Variants in EXOSC7 observed in about 807,000 individuals in gnomAD.
EXOSC7 encodes the protein exosome component 7, also known as exosome complex component RRP42.
EXOSC7 carries 25 observed loss-of-function variants against 34.3 expected under a neutral mutation model. The observed-to-expected ratio is 0.73, with a 90% CI of 0.53 to 1.02. The LOEUF (loss-of-function observed/expected upper bound fraction) is 1.02, where lower values mean the gene tolerates loss of function less well. EXOSC7 is among the 50% of genes least tolerant of loss of function. The pLI, the probability that EXOSC7 is intolerant of heterozygous loss-of-function variation, is 0.00. For missense variants in EXOSC7, 370 were observed against 368.5 expected (o/e 1.00, Z -0.03); for synonymous variants, 130 against 143.0 (o/e 0.91, Z 0.65).
chr3:44,989,390 A>C (rs1252430628), intron 2 of EXOSC7, 149 bp downstream of exon 2: 10 of 814,264 alleles, frequency 1.2e-5, no homozygotes, highest in Admixed American at 2.4e-5. Context: ...GGGTCTATCC[A>C]GATCTGAAAA....
chr3:45,011,149 C>G (rs1707199578), intron 7 of EXOSC7, 86 bp from the exon 8 acceptor site: 1 of 686,716 alleles, frequency 1.5e-6, no homozygotes, highest in African/African-American at 1.9e-5. Context: ...GTCAGAAAGA[C>G]TAGCTGGCAG....
At chr3:44,995,365 A>G (rs1024586030) in intron 3 of EXOSC7, among the ~76,000 whole-genome samples, 7 of 152,198 alleles carry the variant, frequency 4.6e-5, no homozygotes, top group African/African-American at 1.7e-4. Context: ...AAGGCTGTAG[A>G]AGAGTTAGTG....
At chr3:44,984,129 T>G (rs1318970515) in intron 1 of EXOSC7, among the ~76,000 whole-genome samples, 1 of 152,180 alleles carries the variant, frequency 6.6e-6, no homozygotes, top group Non-Finnish European at 1.5e-5. Context: ...AAGTACATTT[T>G]CACTACAAAG....
intron 7 of EXOSC7, among the ~76,000 whole-genome samples, chr3:45,008,951 A>AGTT (rs1269938026): frequency 1.3e-5 from 2 of 152,248 alleles, no homozygotes; most frequent in African/African-American, 4.8e-5. Context: ...AGTCCTCAAC[A>AGTT]ACCTGTGAGG....
intron 6 of EXOSC7, among the ~76,000 whole-genome samples, chr3:45,006,404 GTTTTTTTT>G (rs545281987): frequency 4.7e-4 from 29 of 61,706 alleles, no homozygotes; most frequent in East Asian, 6.9e-4. Flanking sequence ...TTGTTTATTT[GTTTTTTTT>G]TTTTTTTTTT....
intron 3 of EXOSC7, among the ~76,000 whole-genome samples, chr3:44,995,903 C>A (rs1232482831): frequency 6.6e-6 from 1 of 152,200 alleles, no homozygotes; most frequent in African/African-American, 2.4e-5. Context: ...ACAGGTTTTG[C>A]TTTGCCTGGA....
At chr3:45,004,032 T>A (rs1308535158) in intron 5 of EXOSC7, 6 of 152,222 alleles carry the variant, frequency 3.9e-5, no homozygotes, top group Non-Finnish European at 8.8e-5. Context: ...CTGGTTCATT[T>A]CCAGTTTGAG....
chr3:44,977,800 G>C (rs1706142061), intron 1 of EXOSC7, among the ~76,000 whole-genome samples: 2 of 152,208 alleles, frequency 1.3e-5, no homozygotes, highest in African/African-American at 4.8e-5. Context: ...AGCTTACCAT[G>C]ATGTAGTGAC....
intron 3 of EXOSC7, among the ~76,000 whole-genome samples, chr3:44,996,479 A>G (rs1438257758): frequency 6.6e-6 from 1 of 152,172 alleles, no homozygotes; most frequent in Admixed American, 6.5e-5. Flanking sequence ...ACAAGCCAAC[A>G]ATCTTTCCCT....
At chr3:44,989,917 A>G (rs931161651) in intron 3 of EXOSC7, among the ~76,000 whole-genome samples, 10 of 152,206 alleles carry the variant, frequency 6.6e-5, no homozygotes, top group African/African-American at 2.4e-4. Context: ...CATGATTGTG[A>G]TGAGGGTCAA....
rs771820862 is a variant in EXOSC7 at position 44,997,151 on chromosome 3, A to G, written c.319A>G (p.Asn107Asp). ...GGDDLGTEIA[N>D]TLYRIFNNKS... ...TGATGACCTTGGCACCGAGATCGCT[A>G]ACACCCTCTATCGGATATTTAACAA... The change falls in exon 4 of 8, where the codon AAC (asparagine) becomes GAC (aspartate). Residue 107 changes from asparagine (N) to aspartate (D), a missense_variant. This residue lies in a region of EXOSC7 where 255 missense variants were observed against 246.4 expected (regional missense o/e 1.03). Transcript: ENST00000265564. 2 of 1,612,584 alleles carry G rather than the reference A, an allele frequency of 1.2e-6. No individual in the cohort carries two copies. The highest frequency in any genetic ancestry group is 1.7e-6 in the Non-Finnish European group (2 of 1,179,486).
chr3:44,978,053 T>C (rs897464821), intron 1 of EXOSC7, among the ~76,000 whole-genome samples: 2 of 152,142 alleles, frequency 1.3e-5, no homozygotes, highest in African/African-American at 4.8e-5. Context: ...GGTTGTGAAA[T>C]AAATGAAAGA....
chr3:44,998,362 C>T (rs559354679), intron 4 of EXOSC7, among the ~76,000 whole-genome samples: 11 of 152,104 alleles, frequency 7.2e-5, no homozygotes, highest in Admixed American at 2.6e-4. Context: ...TGCAAACCAC[C>T]GTGCCTGGCC....
At chr3:45,001,503 GT>G in intron 4 of EXOSC7, 34 bp from the exon 5 acceptor site, 1 of 1,540,506 alleles carries the variant, frequency 6.5e-7, no homozygotes, top group Non-Finnish European at 9.0e-7. Context: ...GTGATGCTTG[GT>G]TTTTTTTCCT....
At chr3:44,993,491 T>C (rs1404691894) in intron 3 of EXOSC7, among the ~76,000 whole-genome samples, 1 of 152,020 alleles carries the variant, frequency 6.6e-6, no homozygotes, top group Non-Finnish European at 1.5e-5. Context: ...CTAGAGTCCC[T>C]TTCCAGGTAG....
At chr3:45,007,357 C>T in intron 6 of EXOSC7, 63 bp from the exon 7 acceptor site, 1 of 1,576,852 alleles carries the variant, frequency 6.3e-7, no homozygotes, top group Non-Finnish European at 8.7e-7. Flanking sequence ...ACCACGAGGC[C>T]ATCAGGGGTG....
At chr3:45,008,737 G>T (rs1227542636) in intron 7 of EXOSC7, among the ~76,000 whole-genome samples, 1 of 152,226 alleles carries the variant, frequency 6.6e-6, no homozygotes, top group African/African-American at 2.4e-5. Context: ...AATTTCTCCA[G>T]ACTTAATGCT....
chr3:44,983,760 C>T (rs116337039), intron 1 of EXOSC7, among the ~76,000 whole-genome samples: 1,597 of 148,046 alleles, frequency 0.011, 13 homozygotes, highest in Non-Finnish European at 0.018. Context: ...TTCCTTTGCT[C>T]GTGACTGCTG....
chr3:44,981,628 A>T (rs1379907656), intron 1 of EXOSC7, among the ~76,000 whole-genome samples: 1 of 151,950 alleles, frequency 6.6e-6, no homozygotes, highest in African/African-American at 2.4e-5. Flanking sequence ...ATCTCAAGAA[A>T]AGGGATAGGC....
Sources: gnomAD v4.1 joint callset for allele counts (sites outside exome capture counted in the v4.1 genomes callset) on GRCh38, gnomAD v4.1.1 for gene constraint, gnomAD v4.1.1 regional missense constraint, MANE v1.5 for transcripts, NCBI Gene and HGNC (gene_info 2026-07-23, HGNC 2026-07-21) for gene names.